MARK1: variants seen among roughly 807,000 people sequenced by gnomAD.
The protein encoded by MARK1 is serine/threonine-protein kinase MARK1.
Under a neutral mutation model 96.3 loss-of-function variants are expected in MARK1, and 40 were observed. The ratio of observed to expected loss-of-function variants is 0.42; its 90% CI spans 0.32 to 0.54. The LOEUF is 0.54. MARK1 is among the 20% of genes least tolerant of loss of function. MARK1 has a pLI of 0.16. For missense variants in MARK1, 719 were observed against 984.6 expected, an observed-to-expected ratio of 0.73 and a Z score of 3.61; for synonymous variants, 317 against 341.2, an observed-to-expected ratio of 0.93 and a Z score of 0.78.
At chr1:220,583,814 A>ATTTTTTTTTTTT (rs34848222) in intron 3 of MARK1, among the ~76,000 whole-genome samples, 495 of 105,154 alleles carry the variant, frequency 4.7e-3, no homozygotes, top group Non-Finnish European at 5.9e-3. Flanking sequence ...TGCCTGGCTA[A>ATTTTTTTTTTTT]TTTTTTTTTT....
intron 13 of MARK1, 35 bp downstream of exon 13, chr1:220,636,061 T>C: frequency 1.4e-6 from 2 of 1,394,924 alleles, no homozygotes; most frequent in Non-Finnish European, 1.9e-6. Flanking sequence ...CAATTTATTG[T>C]AATAACTTGT....
At chr1:220,583,962 T>C (rs1001417098) in intron 3 of MARK1, among the ~76,000 whole-genome samples, 3 of 151,622 alleles carry the variant, frequency 2.0e-5, no homozygotes, top group Non-Finnish European at 2.9e-5. Context: ...CACTGCACCC[T>C]GCCTCCTGGG....
chr1:220,591,521 T>C (rs993388255), intron 3 of MARK1, among the ~76,000 whole-genome samples: 4 of 152,176 alleles, frequency 2.6e-5, no homozygotes, highest in Non-Finnish European at 4.4e-5. Flanking sequence ...CTTATTCATG[T>C]TGTAGCTTAA....
intron 5 of MARK1, among the ~76,000 whole-genome samples, chr1:220,601,153 C>A (rs905229510): frequency 1.3e-5 from 2 of 152,044 alleles, no homozygotes; most frequent in African/African-American, 4.8e-5. Context: ...CTCCTGACCT[C>A]GTGATCTGCC....
intron 15 of MARK1, among the ~76,000 whole-genome samples, chr1:220,652,601 A>G: frequency 6.6e-6 from 1 of 152,174 alleles, no homozygotes; most frequent in Non-Finnish European, 1.5e-5. Context: ...AAAATTGTAT[A>G]ATTGTTTTTC....
At chr1:220,619,597 C>T (rs894030906) in intron 9 of MARK1, among the ~76,000 whole-genome samples, 1 of 152,150 alleles carries the variant, frequency 6.6e-6, no homozygotes, top group Admixed American at 6.5e-5. Context: ...TGTTGTGTTG[C>T]CTACATATGT....
intron 3 of MARK1, among the ~76,000 whole-genome samples, chr1:220,587,896 T>C (rs187398970): frequency 3.9e-5 from 6 of 152,292 alleles, no homozygotes; most frequent in Admixed American, 3.9e-4. Context: ...TATAGAGGGA[T>C]GTCTCTCTTC....
At chr1:220,563,571 A>G (rs1662828921) in intron 1 of MARK1, among the ~76,000 whole-genome samples, 1 of 152,228 alleles carries the variant, frequency 6.6e-6, no homozygotes, top group African/African-American at 2.4e-5. Flanking sequence ...AATAAAGGAA[A>G]GTTAAAAGAT....
chr1:220,591,682 C>A (rs960223406), intron 3 of MARK1, among the ~76,000 whole-genome samples: 1 of 152,138 alleles, frequency 6.6e-6, no homozygotes, highest in South Asian at 2.1e-4. Flanking sequence ...TTTAACACTT[C>A]TATTGTACAC....
intron 3 of MARK1, among the ~76,000 whole-genome samples, chr1:220,593,259 C>G (rs1198237184): frequency 6.6e-6 from 1 of 151,576 alleles, no homozygotes; most frequent in Admixed American, 6.6e-5. Flanking sequence ...AAATTATGTT[C>G]AATTTTTAAA....
intron 9 of MARK1, among the ~76,000 whole-genome samples, chr1:220,629,585 G>A (rs1245438128): frequency 6.6e-6 from 1 of 151,968 alleles, no homozygotes; most frequent in Non-Finnish European, 1.5e-5. Flanking sequence ...CTAAAACTCT[G>A]TACTCATTGA....
chr1:220,644,995 C>T (rs1668501279), intron 13 of MARK1, among the ~76,000 whole-genome samples: 2 of 152,010 alleles, frequency 1.3e-5, no homozygotes, highest in South Asian at 4.2e-4. Flanking sequence ...AAATCAACAC[C>T]CTAACATCAA....
At chr1:220,609,601 C>T (rs1009574039) in intron 6 of MARK1, among the ~76,000 whole-genome samples, 24 of 152,106 alleles carry the variant, frequency 1.6e-4, no homozygotes, top group African/African-American at 5.6e-4. Flanking sequence ...GTCATTACAA[C>T]GTTTGCTGGT....
At chr1:220,655,971 C>A (rs1176210802) in intron 16 of MARK1, among the ~76,000 whole-genome samples, 3 of 152,170 alleles carry the variant, frequency 2.0e-5, no homozygotes, top group Non-Finnish European at 2.9e-5. Flanking sequence ...TGTGTACCTG[C>A]TATTCCTTCT....
rs917457331 is a variant in MARK1, at chr1:220,600,005, A to G, written c.424+142A>G. 1.0e-5 allele frequency: 5 copies of G among 492,304 alleles called. No individual in the cohort carries two copies. In the East Asian group the frequency reaches 1.6e-4, roughly 15 times the overall value. The allele number at this position is 492,304 out of a possible 1,614,324, so 30.5% of individuals were successfully genotyped here. On this transcript the variant is annotated intron_variant, in intron 5 of 17. Transcript: ENST00000366917. ...AATGCCTTTAAATTACATCTTAAGG[A>G]AAATTCAGTGTTTACTTTTAAGACC...
intron 1 of MARK1, among the ~76,000 whole-genome samples, chr1:220,538,019 T>G (rs1171836779): frequency 6.6e-6 from 1 of 152,030 alleles, no homozygotes; most frequent in Non-Finnish European, 1.5e-5. Flanking sequence ...TGTGAAAATT[T>G]TGTAGGTTAC....
At chr1:220,575,478 A>G (rs1341472903) in intron 1 of MARK1, among the ~76,000 whole-genome samples, 3 of 152,214 alleles carry the variant, frequency 2.0e-5, no homozygotes, top group East Asian at 1.9e-4. Context: ...GAATTAAGCT[A>G]TTGATCAGGA....
intron 4 of MARK1, 38 bp downstream of exon 4, chr1:220,598,417 T>A (rs759868218): frequency 3.0e-4 from 69 of 229,290 alleles, no homozygotes; most frequent in Middle Eastern, 1.8e-3. Flanking sequence ...TATATATATA[T>A]AATTAGCGAT....
chr1:220,651,563 GATA>G (rs1354220363), intron 14 of MARK1, among the ~76,000 whole-genome samples: 7 of 152,114 alleles, frequency 4.6e-5, no homozygotes, highest in Non-Finnish European at 7.4e-5. Flanking sequence ...TGAATCTAGA[GATA>G]ATATTTTTGG....
Sources: gnomAD v4.1 joint callset for allele counts (sites outside exome capture counted in the v4.1 genomes callset) on GRCh38, gnomAD v4.1.1 for gene constraint, MANE v1.5 for transcripts, NCBI Gene and HGNC (gene_info 2026-07-23, HGNC 2026-07-21) for gene names.